ABHD2: variants seen among roughly 807,000 people sequenced by gnomAD.
The protein encoded by ABHD2 is abhydrolase domain containing 2, acylglycerol lipase.
A neutral mutation model predicts 48.1 loss-of-function variants in ABHD2; 20 were observed. That is an observed-to-expected ratio of 0.42 (90% confidence interval 0.29 to 0.60). ABHD2 has a LOEUF of 0.60. Ranked by LOEUF, ABHD2 falls within the 20% of genes least tolerant of loss-of-function variation. ABHD2 has a pLI of 0.24. For missense variants in ABHD2, 405 were observed against 550.9 expected, an observed-to-expected ratio of 0.74 and a Z score of 2.65; for synonymous variants, 209 against 214.2, an observed-to-expected ratio of 0.98 and a Z score of 0.21.
chr15:89,143,601 A>T (rs2050442130), intron 3 of ABHD2, among the ~76,000 whole-genome samples: 2 of 152,006 alleles, frequency 1.3e-5, no homozygotes, highest in Admixed American at 6.6e-5. Context: ...CAGGAGGCGG[A>T]GGTTGCAGTG....
chr15:89,111,405 C>G (rs1380465404), intron 1 of ABHD2, among the ~76,000 whole-genome samples: 1 of 152,190 alleles, frequency 6.6e-6, no homozygotes, highest in Non-Finnish European at 1.5e-5. Context: ...TGCTCATTCT[C>G]TCATGTAAAA....
At position 89,179,933 on chromosome 15, in the gene ABHD2, C is replaced by A. The variant is rs1201829078; in HGVS notation, c.722+3938C>A. Among the ~76,000 whole-genome samples, 1 of 152,180 alleles carries A rather than the reference C, an allele frequency of 6.6e-6. No individual in the cohort carries two copies. The highest frequency in any genetic ancestry group is 1.5e-5 in the Non-Finnish European group (1 of 68,032). On this transcript the variant is annotated intron_variant, in intron 6 of 10. Transcript: ENST00000352732. The surrounding 1 kb of genome is among the most constrained non-coding windows in gnomAD (Gnocchi z 4.3). ...GAAGAGGCAGGTACCACTTTTCCTG[C>A]CAAATGGTGGGGATATTGTCTCTCT... is the stretch of plus-strand genomic sequence containing the variant.
Position 89,151,896 on chromosome 15 carries a change from G to A in ABHD2, c.370+44G>A, listed in dbSNP as rs751294553. The stretch of plus-strand genomic sequence containing the variant: ...TGTGATTGAGCCATCACTCAGAGAA[G>A]GAGCACTAGTCAGTGGAGAGCACAG... On this transcript the variant is annotated intron_variant, in intron 4 of 10. Coordinates refer to ENST00000352732, the MANE Select transcript of ABHD2 (RefSeq NM_152924.5). This position sits in a 1 kb window ranked among gnomAD's most constrained non-coding sequence, Gnocchi z 4.7. 23 of 1,600,006 alleles carry A rather than the reference G, an allele frequency of 1.4e-5. No individual in the cohort carries two copies. In the Admixed American group the frequency reaches 3.7e-4, roughly 26 times the overall value.
At chr15:89,171,062 G>A (rs1371412160) in intron 5 of ABHD2, among the ~76,000 whole-genome samples, 5 of 152,232 alleles carry the variant, frequency 3.3e-5, no homozygotes, top group Non-Finnish European at 7.4e-5. Context: ...GTTGCAGTGA[G>A]TCAAGATCGC....
intron 3 of ABHD2, among the ~76,000 whole-genome samples, chr15:89,144,971 A>G (rs934419559): frequency 6.6e-6 from 1 of 152,128 alleles, no homozygotes; most frequent in Non-Finnish European, 1.5e-5. Context: ...AAACAACTCC[A>G]GTAGGCCGGG....
At chr15:89,096,783 A>T (rs1028850288) in intron 1 of ABHD2, among the ~76,000 whole-genome samples, 1 of 152,254 alleles carries the variant, frequency 6.6e-6, no homozygotes, top group African/African-American at 2.4e-5. Flanking sequence ...GGGAGCAGGT[A>T]CAAGTCATCA....
At position 89,161,141 on chromosome 15, in the gene ABHD2, C is replaced by T. The variant is rs76631372; in HGVS notation, c.538+5607C>T. Among the ~76,000 whole-genome samples the T allele has an allele frequency of 1.6e-4, 25 of 152,216 alleles. No individual in the cohort carries two copies. In the East Asian group the frequency reaches 2.7e-3, roughly 16 times the overall value. On this transcript the variant is annotated intron_variant, in intron 5 of 10. Coordinates refer to ENST00000352732, the MANE Select transcript of ABHD2 (RefSeq NM_152924.5). ...TACCTGTGCCAGTGGCTTAGCTCTC[C>T]GGGAGTCTAAGGTATAGCCAAGGTT...
intron 9 of ABHD2, among the ~76,000 whole-genome samples, chr15:89,191,862 C>T (rs1042117347): frequency 1.3e-5 from 2 of 152,078 alleles, no homozygotes; most frequent in South Asian, 2.1e-4. Context: ...CTCCTCACCT[C>T]GTGATCTGCC....
At position 89,137,720 on chromosome 15, in the gene ABHD2, G is replaced by T. The variant is rs2050337940; in HGVS notation, c.195-13957G>T. ...AGCTGTGGAGAAGAATTTGCCTCCA[G>T]TGAGGGGAAAATGCTGTGTTCAAAG... On this transcript the variant is annotated intron_variant, in intron 3 of 10. Transcript: ENST00000352732. This position sits in a 1 kb window ranked among gnomAD's most constrained non-coding sequence, Gnocchi z 4.8. Among the ~76,000 whole-genome samples the T allele has an allele frequency of 1.3e-5, 2 of 152,366 alleles. No homozygotes were observed. Among genetic ancestry groups the T allele is most frequent in the Admixed American group, 1.3e-4 (2 of 15,308 alleles).
intron 3 of ABHD2, among the ~76,000 whole-genome samples, chr15:89,126,618 A>G (rs1289398292): frequency 6.6e-6 from 1 of 152,224 alleles, no homozygotes; most frequent in African/African-American, 2.4e-5. Flanking sequence ...ACAAAATAGT[A>G]TATACTTTAT....
At chr15:89,105,982 G>A (rs771774225) in intron 1 of ABHD2, among the ~76,000 whole-genome samples, 2 of 152,086 alleles carry the variant, frequency 1.3e-5, no homozygotes, top group African/African-American at 2.4e-5. Flanking sequence ...GATTATAGAT[G>A]TAAGCCACTG....
chr15:89,160,910 T>C (rs530837347), intron 5 of ABHD2, among the ~76,000 whole-genome samples: 2 of 152,374 alleles, frequency 1.3e-5, no homozygotes, highest in African/African-American at 4.8e-5. Flanking sequence ...GGTGGTGAAC[T>C]CTCGCACAGT....
chr15:89,092,203 T>G lies in ABHD2; in HGVS notation c.-107+3640T>G, dbSNP rs1181779299. Among the ~76,000 whole-genome samples the G allele has an allele frequency of 6.6e-6, 1 of 152,202 alleles. No individual in the cohort carries two copies. Among genetic ancestry groups the G allele is most frequent in the African/African-American group, 2.4e-5 (1 of 41,456 alleles). ...CTGAAGCTTGTGGACTGGGGCCATT[T>G]GGGTGAGGGGCTTGTTACACACCGA... On this transcript the variant is annotated intron_variant, in intron 1 of 10. Coordinates refer to ENST00000352732, the MANE Select transcript of ABHD2 (RefSeq NM_152924.5). This position sits in a 1 kb window ranked among gnomAD's most constrained non-coding sequence, Gnocchi z 4.4.
chr15:89,062,855 C>T, the ABHD2 span, among the ~76,000 whole-genome samples: 1 of 152,054 alleles, frequency 6.6e-6, no homozygotes, highest in Admixed American at 6.6e-5. Context: ...TTATTGATTT[C>T]CGGTGCTTAC....
In ABHD2 at chr15:89,201,666, T is replaced by C. The variant is rs1239400285; in HGVS notation, c.*6243T>C. The C allele has an allele frequency of 6.2e-7, 1 of 1,608,108 alleles. No homozygotes were observed. The highest frequency in any genetic ancestry group is 8.5e-7 in the Non-Finnish European group (1 of 1,174,576). On this transcript the variant is annotated 3_prime_UTR_variant, in exon 11 of 11. Coordinates refer to ENST00000352732, the MANE Select transcript of ABHD2 (RefSeq NM_152924.5). Reference sequence around the variant, plus strand: ...GGTAGTCTTCACTTTGAAACACACTTTTCTATCCGATGGATTTCGCAATTT... The same window carrying C: ...GGTAGTCTTCACTTTGAAACACACTCTTCTATCCGATGGATTTCGCAATTT...
At chr15:89,161,524 C>T (rs1596132367) in intron 5 of ABHD2, among the ~76,000 whole-genome samples, 3 of 152,148 alleles carry the variant, frequency 2.0e-5, no homozygotes, top group African/African-American at 7.2e-5. Context: ...CCTCAGCCTC[C>T]CTAGTAGCTG....
At chr15:89,051,610 C>G in the ABHD2 span, among the ~76,000 whole-genome samples, 2 of 152,080 alleles carry the variant, frequency 1.3e-5, no homozygotes, top group East Asian at 3.9e-4. Flanking sequence ...GGTGGATAAC[C>G]GAATCATGGG....
Position 89,151,555 on chromosome 15 carries a change from T to G in ABHD2, c.195-122T>G. On this transcript the variant is annotated intron_variant, in intron 3 of 10. Coordinates refer to ENST00000352732, the MANE Select transcript of ABHD2 (RefSeq NM_152924.5). The surrounding 1 kb of genome is among the most constrained non-coding windows in gnomAD (Gnocchi z 4.7). ...ATGTAACGTAATAAAAGCCTCATGT[T>G]TATGCTTTGTGTGCAGAATTTCCCT... is the stretch of plus-strand genomic sequence containing the variant. 9.3e-7 allele frequency: 1 copy of G among 1,072,532 alleles called. No homozygotes were observed. The highest frequency in any genetic ancestry group is 1.3e-6 in the Non-Finnish European group (1 of 741,622). 66.4% of individuals were successfully genotyped at this position (1,072,532 alleles called of 1,614,324 possible).
chr15:89,138,073 A>T (rs534849980), intron 3 of ABHD2, among the ~76,000 whole-genome samples: 10 of 152,318 alleles, frequency 6.6e-5, no homozygotes, highest in African/African-American at 2.4e-4. Context: ...AAGAAACCAG[A>T]GGTGTCTGTG....
Sources: allele counts gnomAD v4.1 joint callset (sites outside exome capture counted in the v4.1 genomes callset), GRCh38; gene constraint gnomAD v4.1.1; non-coding constraint Gnocchi (gnomAD v3.1); transcripts MANE v1.5; gene names NCBI Gene and HGNC (gene_info 2026-07-23, HGNC 2026-07-21).